Variants in POU6F2 observed in about 807,000 individuals in gnomAD.
POU6F2 encodes POU domain, class 6, transcription factor 2.
POU6F2 carries 31 observed loss-of-function variants against 71.3 expected under a neutral mutation model. The ratio of observed to expected loss-of-function variants is 0.43; its 90% CI spans 0.33 to 0.59. POU6F2 has a LOEUF of 0.59. POU6F2 is among the 20% of genes least tolerant of loss of function. The pLI is 0.04. For missense variants in POU6F2, 783 were observed against 856.8 expected, an observed-to-expected ratio of 0.91 and a Z score of 1.07; for synonymous variants, 347 against 355.7, an observed-to-expected ratio of 0.98 and a Z score of 0.27.
At chr7:39,015,239 ATT>A (rs957113814) in intron 1 of POU6F2, among the ~76,000 whole-genome samples, 2 of 143,920 alleles carry the variant, frequency 1.4e-5, no homozygotes, top group African/African-American at 5.1e-5. Context: ...ATATATCTGT[ATT>A]ATATATATCT....
intron 2 of POU6F2, among the ~76,000 whole-genome samples, chr7:39,087,143 TATTAATTAATTAATTA>T (rs61339985): frequency 1.3e-3 from 119 of 89,384 alleles, no homozygotes; most frequent in Middle Eastern, 8.8e-3. Flanking sequence ...ACACAGGCTT[TATTAATTAATTAATTA>T]ATTTATTTAT....
intron 1 of POU6F2, among the ~76,000 whole-genome samples, chr7:38,988,913 C>T (rs1283504489): frequency 6.6e-6 from 1 of 152,110 alleles, no homozygotes; most frequent in Non-Finnish European, 1.5e-5. Context: ...ATTACAGCAA[C>T]ATCTCATTTA....
intron 2 of POU6F2, among the ~76,000 whole-genome samples, chr7:39,126,335 C>G (rs1478878375): frequency 2.6e-5 from 4 of 152,144 alleles, no homozygotes; most frequent in African/African-American, 9.7e-5. Context: ...CAGGGAACTT[C>G]TGAGGAAGGT....
At chr7:39,319,849 CA>C (rs1785348834) in intron 4 of POU6F2, among the ~76,000 whole-genome samples, 1 of 152,174 alleles carries the variant, frequency 6.6e-6, no homozygotes, top group Non-Finnish European at 1.5e-5. Flanking sequence ...CACAGAACAC[CA>C]ATAGCTCTTT....
At chr7:39,430,533 G>A (rs953671685) in intron 6 of POU6F2, among the ~76,000 whole-genome samples, 2 of 152,240 alleles carry the variant, frequency 1.3e-5, no homozygotes, top group African/African-American at 4.8e-5. Context: ...TTGTGCTTAA[G>A]GAAGAGGCTG....
intron 2 of POU6F2, among the ~76,000 whole-genome samples, chr7:39,198,093 A>G (rs1399577738): frequency 6.6e-6 from 1 of 152,210 alleles, no homozygotes; most frequent in Non-Finnish European, 1.5e-5. Flanking sequence ...AAAAGTATTT[A>G]CAGAAAATGA....
At chr7:38,979,988 A>G (rs1788276984) in intron 1 of POU6F2, among the ~76,000 whole-genome samples, 1 of 152,214 alleles carries the variant, frequency 6.6e-6, no homozygotes, top group Non-Finnish European at 1.5e-5. Context: ...GAATCAGGAC[A>G]TATTTTTACA....
At chr7:39,389,015 G>A (rs1787009399) in intron 5 of POU6F2, among the ~76,000 whole-genome samples, 1 of 152,038 alleles carries the variant, frequency 6.6e-6, no homozygotes, top group Admixed American at 6.6e-5. Flanking sequence ...TTTGATATCT[G>A]TACACTTCAG....
chr7:39,431,108 G>A (rs926952658), intron 6 of POU6F2, among the ~76,000 whole-genome samples: 1 of 152,150 alleles, frequency 6.6e-6, no homozygotes, highest in African/African-American at 2.4e-5. Context: ...GATGGGACGT[G>A]CTCATTGCTG....
At chr7:39,171,939 T>C (rs758654016) in intron 2 of POU6F2, among the ~76,000 whole-genome samples, 20 of 152,186 alleles carry the variant, frequency 1.3e-4, no homozygotes, top group Non-Finnish European at 2.4e-4. Flanking sequence ...TGTGAATTGC[T>C]TTTTTGTTTA....
chr7:39,416,176 A>T (rs1787669946), intron 6 of POU6F2, among the ~76,000 whole-genome samples: 1 of 151,834 alleles, frequency 6.6e-6, no homozygotes, highest in African/African-American at 2.4e-5. Context: ...TTACCGAATA[A>T]TTACAGGGTA....
chr7:39,291,386 T>C (rs1053566426), intron 4 of POU6F2, among the ~76,000 whole-genome samples: 4 of 152,248 alleles, frequency 2.6e-5, no homozygotes, highest in Admixed American at 2.6e-4. Flanking sequence ...AAAATTTTTC[T>C]CTTTATTTAT....
intron 2 of POU6F2, among the ~76,000 whole-genome samples, chr7:39,097,880 G>A (rs1791485917): frequency 6.6e-6 from 1 of 152,162 alleles, no homozygotes; most frequent in South Asian, 2.1e-4. Context: ...TAGCTTTTTA[G>A]GCAATTTTAA....
At chr7:39,065,400 CTCAT>C (rs1790735640) in intron 1 of POU6F2, among the ~76,000 whole-genome samples, 1 of 151,566 alleles carries the variant, frequency 6.6e-6, no homozygotes, top group Non-Finnish European at 1.5e-5. Context: ...CTTACATTCT[CTCAT>C]TATTTTTTAA....
chr7:39,398,066 G>C (rs1269697485), intron 5 of POU6F2, among the ~76,000 whole-genome samples: 1 of 151,716 alleles, frequency 6.6e-6, no homozygotes, highest in Non-Finnish European at 1.5e-5. Flanking sequence ...AGACAAGTTT[G>C]CCTCTAAAAT....
In POU6F2 at chr7:39,224,716, TA is replaced by T. The variant is rs145580149; in HGVS notation, c.598+17097del. On this transcript the variant is annotated intron_variant, in intron 4 of 9. Transcript: ENST00000518318. ...TCACTGCTACTAGAAGAAAAACAAT[TA>T]CCCCACACCAGTTGATCAGCCTCAT... 9.0e-3 allele frequency among the ~76,000 whole-genome samples: 1,370 copies of T among 152,288 alleles called. 9 individuals carry two copies. The highest frequency in any genetic ancestry group is 0.013 in the Non-Finnish European group (897 of 68,024).
intron 1 of POU6F2, among the ~76,000 whole-genome samples, chr7:39,040,783 A>G (rs1216871556): frequency 7.9e-5 from 12 of 151,968 alleles, no homozygotes; most frequent in African/African-American, 2.4e-4. Context: ...ATATTCAAGT[A>G]TGTAAATTAC....
At chr7:39,353,000 T>C (rs1786168445) in intron 5 of POU6F2, among the ~76,000 whole-genome samples, 1 of 152,182 alleles carries the variant, frequency 6.6e-6, no homozygotes, top group South Asian at 2.1e-4. Flanking sequence ...AGTGAGAACA[T>C]GGAATATAAA....
intron 4 of POU6F2, among the ~76,000 whole-genome samples, chr7:39,296,368 T>C (rs994064672): frequency 6.6e-6 from 1 of 152,222 alleles, no homozygotes; most frequent in Non-Finnish European, 1.5e-5. Context: ...AATATCTTAG[T>C]CTAATTGTAG....
Sources: gnomAD v4.1 joint callset for allele counts (sites outside exome capture counted in the v4.1 genomes callset) on GRCh38, gnomAD v4.1.1 for gene constraint, MANE v1.5 for transcripts, NCBI Gene and HGNC (gene_info 2026-07-23, HGNC 2026-07-21) for gene names.